Variants in ZNF521 observed in about 807,000 individuals in gnomAD.
The protein encoded by ZNF521 is LYST-interacting protein 3.
Under a neutral mutation model 105.5 loss-of-function variants are expected in ZNF521, and 14 were observed. The observed-to-expected ratio is 0.13, with a 90% CI of 0.09 to 0.21. The LOEUF is 0.21. ZNF521 is among the 10% of genes least tolerant of loss of function. The pLI, the probability that ZNF521 is intolerant of heterozygous loss-of-function variation, is 1.00. For missense variants in ZNF521, 1,233 were observed against 1,629.7 expected, an observed-to-expected ratio of 0.76 and a Z score of 4.19; for synonymous variants, 635 against 606.0, an observed-to-expected ratio of 1.05 and a Z score of -0.70.
At chr18:25,252,813 C>G (rs577206278) in intron 3 of ZNF521, among the ~76,000 whole-genome samples, 17 of 152,208 alleles carry the variant, frequency 1.1e-4, no homozygotes, top group African/African-American at 4.1e-4. Flanking sequence ...GCTAGAAATG[C>G]TTTATATCTG....
chr18:25,215,830 C>T (rs1006252622), intron 4 of ZNF521, among the ~76,000 whole-genome samples: 1 of 152,156 alleles, frequency 6.6e-6, no homozygotes, highest in Admixed American at 6.6e-5. Context: ...CTCCCACATT[C>T]CAACCCATGG....
chr18:25,179,116 CTTTTTTTTTTTTTTTTTTTTTTTTTTTT>C (rs1175859497), intron 5 of ZNF521, among the ~76,000 whole-genome samples: 5 of 52,484 alleles, frequency 9.5e-5, no homozygotes, highest in African/African-American at 1.5e-4. Context: ...TTCTTTATTC[CTTTTTTTTTTTTTTTTTTTTTTTTTTTT>C]TTTTTTTTTT....
At chr18:25,141,592 G>A (rs1405737397) in intron 5 of ZNF521, among the ~76,000 whole-genome samples, 2 of 152,180 alleles carry the variant, frequency 1.3e-5, no homozygotes, top group Non-Finnish European at 2.9e-5. Context: ...AAGCCTGTGT[G>A]TACTTTTACT....
chr18:25,268,391 C>CT (rs1909418066), intron 3 of ZNF521, among the ~76,000 whole-genome samples: 1 of 152,172 alleles, frequency 6.6e-6, no homozygotes, highest in African/African-American at 2.4e-5. Context: ...CTTACCCAAC[C>CT]TAGCAAGACA....
At chr18:25,139,843 G>A (rs1247987235) in intron 5 of ZNF521, among the ~76,000 whole-genome samples, 2 of 152,106 alleles carry the variant, frequency 1.3e-5, no homozygotes, top group African/African-American at 4.8e-5. Flanking sequence ...GAGGTATTAG[G>A]CCTTCAGGTT....
intron 4 of ZNF521, among the ~76,000 whole-genome samples, chr18:25,203,978 G>A (rs554912616): frequency 2.0e-5 from 3 of 152,106 alleles, no homozygotes; most frequent in South Asian, 2.1e-4. Context: ...CACGAGATGC[G>A]GTCACTTAAA....
intron 2 of ZNF521, among the ~76,000 whole-genome samples, chr18:25,343,931 T>C (rs1914345129): frequency 6.6e-6 from 1 of 152,048 alleles, no homozygotes; most frequent in African/African-American, 2.4e-5. Context: ...ACAACTAGAG[T>C]AGAAATACTA....
At chr18:25,095,238 A>G (rs563646258) in intron 5 of ZNF521, among the ~76,000 whole-genome samples, 12 of 152,122 alleles carry the variant, frequency 7.9e-5, no homozygotes, top group Non-Finnish European at 1.5e-4. Context: ...CAGCACCTCT[A>G]TTCAGGATTT....
chr18:25,196,879 G>A (rs147506465), intron 4 of ZNF521, among the ~76,000 whole-genome samples: 1 of 151,810 alleles, frequency 6.6e-6, no homozygotes, highest in Admixed American at 6.6e-5. Flanking sequence ...TTCCTGATAT[G>A]TGACCTTGCT....
chr18:25,231,998 G>A (rs1479860807), intron 3 of ZNF521, among the ~76,000 whole-genome samples: 1 of 152,172 alleles, frequency 6.6e-6, no homozygotes, highest in Admixed American at 6.5e-5. Context: ...CTTGTTCACT[G>A]CAACAGCAGA....
At chr18:25,144,085 T>C (rs1187843260) in intron 5 of ZNF521, among the ~76,000 whole-genome samples, 2 of 152,172 alleles carry the variant, frequency 1.3e-5, no homozygotes, top group African/African-American at 2.4e-5. Context: ...ATTAGGTATC[T>C]AGAGGTTTGT....
chr18:25,224,453 G>A lies in ZNF521; in HGVS notation c.3465C>T (p.Asn1155=). Reference sequence around the variant, plus strand: ...GCTCTCGGTGGATGGTTTGGATGTGGTTCTGGAGTTCACTTTCAGACTCAA... The same window carrying A: ...GCTCTCGGTGGATGGTTTGGATGTGATTCTGGAGTTCACTTTCAGACTCAA... The part of the protein sequence containing the change: ...VKFESESELQ[N]HIQTIHRELV... Residue 1155 remains asparagine, a synonymous_variant, in exon 4 of 8, where the codon AAC becomes AAT. Coordinates refer to ENST00000361524, the MANE Select transcript of ZNF521 (RefSeq NM_015461.3). 3.7e-6 allele frequency: 6 copies of A among 1,613,116 alleles called. No homozygotes were observed. The highest frequency in any genetic ancestry group is 5.1e-6 in the Non-Finnish European group (6 of 1,179,638).
intron 5 of ZNF521, among the ~76,000 whole-genome samples, chr18:25,130,669 A>T (rs952115269): frequency 6.6e-6 from 1 of 152,206 alleles, no homozygotes; most frequent in Non-Finnish European, 1.5e-5. Flanking sequence ...CAGCCCAGGC[A>T]CTATGGCTCA....
chr18:25,218,026 G>A (rs1600167869), intron 4 of ZNF521, among the ~76,000 whole-genome samples: 1 of 152,190 alleles, frequency 6.6e-6, no homozygotes, highest in African/African-American at 2.4e-5. Flanking sequence ...TATGTTATGT[G>A]TGGTTAATTA....
At chr18:25,082,208 A>G (rs1254227654) in intron 7 of ZNF521, among the ~76,000 whole-genome samples, 2 of 152,226 alleles carry the variant, frequency 1.3e-5, no homozygotes, top group African/African-American at 4.8e-5. Context: ...CCACGTGCTC[A>G]TTTGACACAA....
At chr18:25,190,340 G>A (rs559773863) in intron 5 of ZNF521, among the ~76,000 whole-genome samples, 3 of 152,192 alleles carry the variant, frequency 2.0e-5, no homozygotes, top group Non-Finnish European at 4.4e-5. Context: ...GAGCTTCTTA[G>A]GATAGCATGG....
chr18:25,090,378 C>G (rs1230234885), intron 6 of ZNF521, among the ~76,000 whole-genome samples: 2 of 152,144 alleles, frequency 1.3e-5, no homozygotes, highest in Non-Finnish European at 2.9e-5. Flanking sequence ...TGACTCCACT[C>G]TAATCATTAA....
At chr18:25,250,074 G>T (rs527728465) in intron 3 of ZNF521, among the ~76,000 whole-genome samples, 1 of 152,224 alleles carries the variant, frequency 6.6e-6, no homozygotes, top group African/African-American at 2.4e-5. Context: ...GAGTAGCTGG[G>T]ACTACAGGTG....
At chr18:25,078,719 A>G (rs1322154827) in intron 7 of ZNF521, among the ~76,000 whole-genome samples, 1 of 152,222 alleles carries the variant, frequency 6.6e-6, no homozygotes, top group African/African-American at 2.4e-5. Context: ...TTTTAAAAGG[A>G]GTACTAACAA....
Sources: allele counts gnomAD v4.1 joint callset (sites outside exome capture counted in the v4.1 genomes callset), GRCh38; gene constraint gnomAD v4.1.1; transcripts MANE v1.5; gene names NCBI Gene and HGNC (gene_info 2026-07-23, HGNC 2026-07-21).